Variants in RELN observed in about 807,000 individuals in gnomAD.
RELN encodes reelin.
RELN carries 108 observed loss-of-function variants against 427.6 expected under a neutral mutation model. That is an observed-to-expected ratio of 0.25 (90% CI 0.22 to 0.30). The LOEUF is 0.30. Among genes scored for constraint, RELN ranks in the 10% least tolerant of loss-of-function variants. The pLI, the probability that RELN is intolerant of heterozygous loss-of-function variation, is 1.00. For missense variants in RELN, 3,715 were observed against 4,302.8 expected (o/e 0.86, Z 3.82); for synonymous variants, 1,524 against 1,513.4 (o/e 1.01, Z -0.16).
At chr7:103,971,335 G>C (rs1473229125) in intron 1 of RELN, among the ~76,000 whole-genome samples, 2 of 151,822 alleles carry the variant, frequency 1.3e-5, no homozygotes, top group Admixed American at 1.3e-4. Context: ...GGGTTGGGGG[G>C]AATACCTGTC....
chr7:103,808,144 T>C (rs1216014801), intron 3 of RELN, among the ~76,000 whole-genome samples: 1 of 151,908 alleles, frequency 6.6e-6, no homozygotes. Flanking sequence ...TACTAAAATA[T>C]GAGAGTCTCC....
intron 1 of RELN, among the ~76,000 whole-genome samples, chr7:103,985,775 G>T (rs1234414634): frequency 2.0e-5 from 3 of 152,150 alleles, no homozygotes; most frequent in Non-Finnish European, 4.4e-5. Flanking sequence ...TGGGGGTGAG[G>T]AAAAGGAACG....
At chr7:103,795,612 C>G (rs1264363196) in intron 3 of RELN, among the ~76,000 whole-genome samples, 1 of 152,052 alleles carries the variant, frequency 6.6e-6, no homozygotes, top group Non-Finnish European at 1.5e-5. Context: ...AAGACATGAA[C>G]AAAACATCCA....
intron 3 of RELN, among the ~76,000 whole-genome samples, chr7:103,799,345 A>C (rs1792387336): frequency 6.6e-6 from 1 of 152,124 alleles, no homozygotes; most frequent in Non-Finnish European, 1.5e-5. Flanking sequence ...ATGCTACTAC[A>C]ATTAGAACCA....
chr7:103,920,188 T>C (rs1051615322), intron 1 of RELN, among the ~76,000 whole-genome samples: 2 of 152,206 alleles, frequency 1.3e-5, no homozygotes, highest in African/African-American at 4.8e-5. Flanking sequence ...CGTTCCATAG[T>C]GATTGTCACT....
intron 4 of RELN, among the ~76,000 whole-genome samples, chr7:103,765,771 A>T (rs535471205): frequency 6.6e-6 from 1 of 152,308 alleles, no homozygotes; most frequent in Admixed American, 6.5e-5. Flanking sequence ...CACCCAAAAT[A>T]ACTCAATGTA....
rs548101453 is a variant in RELN, at chr7:103,626,407, T to C, written c.2702+3533A>G. Among the ~76,000 whole-genome samples, 257 of 152,152 alleles carry C rather than the reference T, an allele frequency of 1.7e-3. 2 individuals are homozygous for C. Among genetic ancestry groups the C allele is most frequent in the Non-Finnish European group, 2.5e-3 (172 of 67,948 alleles). The stretch of plus-strand genomic sequence containing the variant: ...GCTCTGTCACCCAGGCTGGAGTGCA[T>C]TGGCATGATCTCGGCTCACTGCAAC... On this transcript the variant is annotated intron_variant, in intron 20 of 64. Transcript: ENST00000428762. The surrounding 1 kb of genome is among the most constrained non-coding windows in gnomAD (Gnocchi z 4.4).
In RELN at chr7:103,742,833, A is replaced by G. The variant is rs180864332; in HGVS notation, c.656+6593T>C. On this transcript the variant is annotated intron_variant, in intron 6 of 64. Coordinates refer to ENST00000428762, the MANE Select transcript of RELN (RefSeq NM_005045.4). ...GGAGAATGGAACCCAGCTGGAAAAC[A>G]CTCTGCAGGATATTATCCAGGAGAA... 1.5e-3 allele frequency among the ~76,000 whole-genome samples: 225 copies of G among 152,276 alleles called. 2 individuals carry two copies. The highest frequency in any genetic ancestry group is 5.2e-3 in the African/African-American group (217 of 41,538).
At chr7:103,796,438 T>C (rs1792299997) in intron 3 of RELN, among the ~76,000 whole-genome samples, 1 of 152,218 alleles carries the variant, frequency 6.6e-6, no homozygotes, top group South Asian at 2.1e-4. Context: ...TTTTAATTTG[T>C]GGTTTGGATT....
intron 2 of RELN, among the ~76,000 whole-genome samples, chr7:103,874,275 C>T (rs1462715446): frequency 1.6e-5 from 2 of 124,322 alleles, no homozygotes; most frequent in Admixed American, 8.1e-5. Flanking sequence ...AAACTGGAAG[C>T]ATTCCCTTTG....
chr7:103,670,066 T>C (rs1313011436), intron 11 of RELN, among the ~76,000 whole-genome samples: 1 of 152,138 alleles, frequency 6.6e-6, no homozygotes, highest in Non-Finnish European at 1.5e-5. Context: ...ATTAAAAGAG[T>C]AATATTTTTG....
chr7:103,663,701 G>A (rs1303850100), intron 11 of RELN, among the ~76,000 whole-genome samples: 3 of 152,100 alleles, frequency 2.0e-5, no homozygotes, highest in African/African-American at 7.2e-5. Flanking sequence ...TAGCTCTGAT[G>A]GTTCAGCCTC....
intron 27 of RELN, among the ~76,000 whole-genome samples, chr7:103,592,120 C>G (rs982672602): frequency 6.6e-6 from 1 of 152,038 alleles, no homozygotes; most frequent in Admixed American, 6.6e-5. Context: ...GTTTGCTGTA[C>G]AGATCACTTT....
chr7:103,681,689 T>C (rs1833655087), intron 11 of RELN, among the ~76,000 whole-genome samples: 1 of 152,092 alleles, frequency 6.6e-6, no homozygotes, highest in South Asian at 2.1e-4. Context: ...ACAAATTTTA[T>C]CCCCTAAAGA....
chr7:103,814,773 G>T (rs1285466515), intron 3 of RELN, among the ~76,000 whole-genome samples: 1 of 152,210 alleles, frequency 6.6e-6, no homozygotes, highest in East Asian at 1.9e-4. Context: ...CTGTGACAGA[G>T]CTCACCCCTC....
chr7:103,798,045 C>T lies in RELN; in HGVS notation c.474-21418G>A, dbSNP rs147649788. 1.3e-3 allele frequency among the ~76,000 whole-genome samples: 204 copies of T among 152,294 alleles called. 1 individual carries two copies. The highest frequency in any genetic ancestry group is 4.7e-3 in the African/African-American group (197 of 41,554). On this transcript the variant is annotated intron_variant, in intron 3 of 64. Transcript: ENST00000428762. Reference sequence around the variant, plus strand: ...CCTTTGGTCAGCCATCATTTTGCTTCTTTAGGCTTTCCCTGCTCCGTACTC... The same window carrying T: ...CCTTTGGTCAGCCATCATTTTGCTTTTTTAGGCTTTCCCTGCTCCGTACTC...
chr7:103,524,383 T>C (rs1041413454), intron 46 of RELN, among the ~76,000 whole-genome samples: 4 of 128,976 alleles, frequency 3.1e-5, no homozygotes, highest in Admixed American at 7.3e-5. Context: ...TTATTTTACA[T>C]TGATATAAAA....
intron 28 of RELN, 102 bp from the exon 29 acceptor site, chr7:103,575,807 A>T: frequency 3.1e-6 from 4 of 1,303,074 alleles, no homozygotes; most frequent in Non-Finnish European, 4.4e-6. Context: ...CTTAATATTT[A>T]TTTGAAAGTC....
intron 9 of RELN, among the ~76,000 whole-genome samples, chr7:103,699,344 T>C (rs1834043463): frequency 6.6e-6 from 1 of 152,192 alleles, no homozygotes; most frequent in Non-Finnish European, 1.5e-5. Context: ...TTCTCTTTTC[T>C]TTTAAAATAT....
Sources: gnomAD v4.1 joint callset for allele counts (sites outside exome capture counted in the v4.1 genomes callset) on GRCh38, gnomAD v4.1.1 for gene constraint, Gnocchi (gnomAD v3.1) non-coding constraint, MANE v1.5 for transcripts, NCBI Gene and HGNC (gene_info 2026-07-23, HGNC 2026-07-21) for gene names.